STOML3: variants seen among roughly 807,000 people sequenced by gnomAD.
STOML3 encodes stomatin-like protein 3.
A neutral mutation model predicts 29.5 loss-of-function variants in STOML3; 31 were observed. The ratio of observed to expected loss-of-function variants is 1.05; its 90% CI spans 0.79 to 1.42. STOML3 has a LOEUF of 1.42. STOML3 is among the 40% of genes most tolerant of loss of function. The pLI is 0.00. For synonymous variants in STOML3, 122 were observed against 139.8 expected (o/e 0.87, Z 0.90); for missense variants, 380 against 363.0 (o/e 1.05, Z -0.38).
At position 38,976,537 on chromosome 13, in the gene STOML3, T is replaced by C. The variant is rs753148669; in HGVS notation, c.229+3A>G. On this transcript the variant is annotated splice_donor_region_variant and intron_variant, in intron 3 of 6. Coordinates refer to ENST00000379631, the MANE Select transcript of STOML3 (RefSeq NM_145286.3). The stretch of plus-strand genomic sequence containing the variant: ...TCAGGGGCAGCCACCGCGTCATTCA[T>C]ACCTGGCCCCTTGGCTTTGTCAGCT... 6.2e-7 allele frequency: 1 copy of C among 1,614,190 alleles called. No individual in the cohort carries two copies. Among genetic ancestry groups the C allele is most frequent in the Admixed American group, 1.7e-5 (1 of 60,016 alleles).
At chr13:38,970,062 G>A (rs1011337294) in intron 5 of STOML3, 123 bp downstream of exon 5, 29 of 795,460 alleles carry the variant, frequency 3.6e-5, no homozygotes, top group Middle Eastern at 7.5e-4. Flanking sequence ...GCAGTTGTCT[G>A]TGTGTGAGTG....
chr13:38,983,576 T>C (rs1169168022), intron 1 of STOML3, among the ~76,000 whole-genome samples: 1 of 152,246 alleles, frequency 6.6e-6, no homozygotes, highest in Non-Finnish European at 1.5e-5. Context: ...CTGGCTAATC[T>C]GGCCACTGAC....
At chr13:38,982,692 G>A (rs6563659) in intron 1 of STOML3, among the ~76,000 whole-genome samples, 13,967 of 152,092 alleles carry the variant, frequency 0.092, 774 homozygotes, top group African/African-American at 0.13. Context: ...ACCTGCCTTC[G>A]CTTTTTGGTT....
intron 4 of STOML3, among the ~76,000 whole-genome samples, 183 bp downstream of exon 4, chr13:38,972,329 T>C (rs529351788): frequency 2.0e-5 from 3 of 152,360 alleles, no homozygotes; most frequent in Admixed American, 1.3e-4. Context: ...CATTCTCATT[T>C]GGCAAAACAC....
intron 1 of STOML3, among the ~76,000 whole-genome samples, chr13:38,988,054 T>A (rs867045675): frequency 2.4e-4 from 20 of 82,226 alleles, no homozygotes; most frequent in East Asian, 1.8e-3. Flanking sequence ...ATTTTATATA[T>A]AATATATTAT....
At chr13:38,990,600 C>A (rs866089133) in intron 1 of STOML3, 70 bp downstream of exon 1, 328 of 1,522,176 alleles carry the variant, frequency 2.2e-4, no homozygotes, top group Non-Finnish European at 2.5e-4. Flanking sequence ...CTATACCTGT[C>A]TATAATGCTA....
chr13:38,990,112 T>C (rs1406950562), intron 1 of STOML3, among the ~76,000 whole-genome samples: 4 of 152,194 alleles, frequency 2.6e-5, no homozygotes, highest in Admixed American at 6.5e-5. Context: ...TTAGTATTAA[T>C]GATAGTAGTT....
Position 38,968,387 on chromosome 13 carries a change from G to A in STOML3, c.651+13C>T, listed in dbSNP as rs1250031932. On this transcript the variant is annotated intron_variant, in intron 6 of 6. Transcript: ENST00000379631. The stretch of plus-strand genomic sequence containing the variant: ...GCAGTTCTCCCTCCATGTGTGAACT[G>A]CACAACACTTACCTTGGCTCTCGCT... 1 of 1,614,032 alleles carries A rather than the reference G, an allele frequency of 6.2e-7. No homozygotes were observed. Among genetic ancestry groups the A allele is most frequent in the Non-Finnish European group, 8.5e-7 (1 of 1,179,962 alleles).
intron 6 of STOML3, among the ~76,000 whole-genome samples, chr13:38,967,543 T>C (rs1880701348): frequency 6.6e-6 from 1 of 152,192 alleles, no homozygotes; most frequent in African/African-American, 2.4e-5. Context: ...CAAGCAGCAA[T>C]AAGTGCCAGC....
chr13:38,974,856 A>G (rs757834805), intron 3 of STOML3, among the ~76,000 whole-genome samples: 6 of 152,106 alleles, frequency 3.9e-5, no homozygotes, highest in African/African-American at 1.4e-4. Flanking sequence ...CTTGGATCCA[A>G]TTTTATTTTA....
Position 38,987,773 on chromosome 13 carries a change from A to G in STOML3, c.52+2897T>C, listed in dbSNP as rs1388217837. Among the ~76,000 whole-genome samples the G allele has an allele frequency of 6.8e-5, 8 of 118,470 alleles. 1 individual carries two copies. The highest frequency in any genetic ancestry group is 4.6e-4 in the South Asian group (2 of 4,382). 77.7% of individuals were successfully genotyped at this position (118,470 alleles called of 152,430 possible). A position where few individuals can be genotyped will look rare whatever the true frequency, so the allele number is the denominator to read the frequency against. ...ATAGTATGTATATTATATAATATATACTATTGTGTATATATTATATATTAT... is the reference window on the plus strand; with the variant it reads ...ATAGTATGTATATTATATAATATATGCTATTGTGTATATATTATATATTAT... On this transcript the variant is annotated intron_variant, in intron 1 of 6. Transcript: ENST00000379631.
At chr13:38,978,608 A>G (rs1399293617) in intron 1 of STOML3, among the ~76,000 whole-genome samples, 2 of 152,172 alleles carry the variant, frequency 1.3e-5, no homozygotes, top group Non-Finnish European at 2.9e-5. Flanking sequence ...TACAAACGCC[A>G]TATACTGTCT....
At chr13:38,982,100 G>A (rs546977094) in intron 1 of STOML3, among the ~76,000 whole-genome samples, 4 of 152,070 alleles carry the variant, frequency 2.6e-5, no homozygotes, top group South Asian at 2.1e-4. Flanking sequence ...ACAAAACTAC[G>A]GCTGTATGTA....
intron 3 of STOML3, among the ~76,000 whole-genome samples, chr13:38,975,617 A>G (rs930075240): frequency 3.3e-5 from 5 of 152,190 alleles, no homozygotes; most frequent in African/African-American, 9.7e-5. Flanking sequence ...AGTGCTTTTG[A>G]TAGCCCCTCA....
intron 1 of STOML3, among the ~76,000 whole-genome samples, chr13:38,981,705 A>T (rs1881271696): frequency 6.6e-6 from 1 of 152,186 alleles, no homozygotes; most frequent in Non-Finnish European, 1.5e-5. Context: ...ATGAAAGTCA[A>T]AACCACCGTA....
At chr13:38,972,288 C>T (rs1281121938) in intron 4 of STOML3, among the ~76,000 whole-genome samples, 2 of 152,166 alleles carry the variant, frequency 1.3e-5, no homozygotes, top group East Asian at 1.9e-4. Flanking sequence ...CATTCTAAGT[C>T]TTCTAGCAAT....
At chr13:38,980,083 C>T in intron 1 of STOML3, 1 of 1,551,698 alleles carries the variant, frequency 6.4e-7, no homozygotes. Flanking sequence ...TCATCAAGCC[C>T]TTGCATCATT....
chr13:38,973,175 G>A (rs534430953), intron 3 of STOML3, among the ~76,000 whole-genome samples: 22 of 150,162 alleles, frequency 1.5e-4, no homozygotes, highest in African/African-American at 5.1e-4. Flanking sequence ...CCAGCTACTC[G>A]GGAGGCTGAA....
At chr13:38,984,292 G>A (rs141491576) in intron 1 of STOML3, among the ~76,000 whole-genome samples, 7 of 152,190 alleles carry the variant, frequency 4.6e-5, no homozygotes, top group African/African-American at 1.7e-4. Context: ...CTTTGCACAG[G>A]TCTTTGTGTT....
Sources: allele counts gnomAD v4.1 joint callset (sites outside exome capture counted in the v4.1 genomes callset), GRCh38; gene constraint gnomAD v4.1.1; transcripts MANE v1.5; gene names NCBI Gene and HGNC (gene_info 2026-07-23, HGNC 2026-07-21).